The following ZFAT variants were observed in gnomAD, a reference collection of about 807,000 sequenced individuals.
ZFAT encodes the protein zinc finger and AT-hook domain containing, also known as zinc finger protein ZFAT.
Under a neutral mutation model 117.7 loss-of-function variants are expected in ZFAT, and 64 were observed. That is an observed-to-expected ratio of 0.54 (90% CI 0.44 to 0.67). ZFAT has a LOEUF of 0.67. Ranked by LOEUF, ZFAT falls within the 30% of genes least tolerant of loss-of-function variation. The pLI, the probability that ZFAT is intolerant of heterozygous loss-of-function variation, is 0.00. For missense variants in ZFAT, 1,433 were observed against 1,584.5 expected, an observed-to-expected ratio of 0.90 and a Z score of 1.62; for synonymous variants, 679 against 615.0, an observed-to-expected ratio of 1.10 and a Z score of -1.54.
chr8:134,714,483 G>A (rs1267769720), upstream of ZFAT, among the ~76,000 whole-genome samples: 2 of 152,076 alleles, frequency 1.3e-5, no homozygotes, highest in Non-Finnish European at 2.9e-5. Context: ...TTTTTAGGAG[G>A]AAAACTCCCT....
the ZFAT span, among the ~76,000 whole-genome samples, chr8:134,802,551 A>G: frequency 1.3e-5 from 2 of 152,228 alleles, no homozygotes; most frequent in Non-Finnish European, 2.9e-5. Context: ...TTTGTACAAA[A>G]GCATCTAATT....
In ZFAT at chr8:134,602,945, T is replaced by G. The variant is rs1222021239; in HGVS notation, c.786-12A>C. 2 of 1,594,008 alleles carry G rather than the reference T, an allele frequency of 1.3e-6. No homozygotes were observed. Among genetic ancestry groups the G allele is most frequent in the Non-Finnish European group, 1.7e-6 (2 of 1,169,978 alleles). On this transcript the variant is annotated splice_polypyrimidine_tract_variant and intron_variant, in intron 5 of 15. Coordinates refer to ENST00000377838, the MANE Select transcript of ZFAT (RefSeq NM_020863.4). ...GAGTGGGACCTAGCCTAGAAACAGA[T>G]GACAGCATGGTTACATCTGGAGACC...
intron 3 of ZFAT, among the ~76,000 whole-genome samples, chr8:134,624,490 T>C (rs1270396065): frequency 6.6e-6 from 1 of 152,046 alleles, no homozygotes; most frequent in Non-Finnish European, 1.5e-5. Flanking sequence ...ACCCTGCTTC[T>C]ACCAAAAATA....
intron 1 of ZFAT, among the ~76,000 whole-genome samples, chr8:134,683,008 C>T (rs1046677047): frequency 4.6e-5 from 7 of 152,194 alleles, no homozygotes; most frequent in East Asian, 1.9e-4. Context: ...AATGGACAAA[C>T]GCACCCTTCC....
intron 11 of ZFAT, among the ~76,000 whole-genome samples, chr8:134,536,744 T>A (rs1176227655): frequency 6.6e-6 from 1 of 152,238 alleles, no homozygotes; most frequent in African/African-American, 2.4e-5. Flanking sequence ...AGATTTGTGA[T>A]TCCCTAAATA....
At chr8:134,646,623 G>A (rs1374742849) in intron 2 of ZFAT, among the ~76,000 whole-genome samples, 2 of 151,926 alleles carry the variant, frequency 1.3e-5, no homozygotes, top group African/African-American at 2.4e-5. Flanking sequence ...CTTGTTGTTT[G>A]AAAAGATAAA....
chr8:134,769,691 C>T, the ZFAT span, among the ~76,000 whole-genome samples: 2 of 152,216 alleles, frequency 1.3e-5, no homozygotes, highest in African/African-American at 2.4e-5. Flanking sequence ...TCTGACCCCA[C>T]ACTTCTCTTC....
At chr8:134,667,841 G>A (rs1280150526) in intron 1 of ZFAT, among the ~76,000 whole-genome samples, 1 of 152,126 alleles carries the variant, frequency 6.6e-6, no homozygotes, top group Non-Finnish European at 1.5e-5. Flanking sequence ...AAGGGGTCAG[G>A]GAATTCACTT....
intron 11 of ZFAT, among the ~76,000 whole-genome samples, chr8:134,554,078 A>G (rs1401777693): frequency 6.6e-6 from 1 of 151,908 alleles, no homozygotes; most frequent in Non-Finnish European, 1.5e-5. Context: ...CTGGCAGAGG[A>G]CTCTCTCCTC....
intron 2 of ZFAT, chr8:134,639,897 C>CA: frequency 4.8e-6 from 2 of 417,376 alleles, no homozygotes; most frequent in Non-Finnish European, 9.5e-6. Context: ...TCCCCTGAAA[C>CA]ACTCTATGAG....
At chr8:134,720,624 G>T in the ZFAT span, among the ~76,000 whole-genome samples, 2 of 152,256 alleles carry the variant, frequency 1.3e-5, no homozygotes, top group Non-Finnish European at 1.5e-5. Context: ...GTGCCAAGGA[G>T]GACGATCCAG....
At chr8:134,613,975 C>G (rs1051529509) in intron 3 of ZFAT, among the ~76,000 whole-genome samples, 4 of 152,200 alleles carry the variant, frequency 2.6e-5, no homozygotes, top group Admixed American at 1.3e-4. Flanking sequence ...TCTTGTTACA[C>G]GAGAGAACAT....
At chr8:134,663,322 T>C (rs1191544363) in intron 1 of ZFAT, among the ~76,000 whole-genome samples, 1 of 152,336 alleles carries the variant, frequency 6.6e-6, no homozygotes, top group East Asian at 1.9e-4. Flanking sequence ...CACTAAGTTT[T>C]AAAGAATGGA....
chr8:134,751,237 G>C, the ZFAT span, among the ~76,000 whole-genome samples: 1 of 152,090 alleles, frequency 6.6e-6, no homozygotes, highest in African/African-American at 2.4e-5. Flanking sequence ...AGTTGAGTTG[G>C]GATTCAAGTG....
At chr8:134,542,521 A>G (rs1438260288) in intron 11 of ZFAT, among the ~76,000 whole-genome samples, 2 of 152,210 alleles carry the variant, frequency 1.3e-5, no homozygotes, top group Non-Finnish European at 2.9e-5. Flanking sequence ...GTCAGTAAGT[A>G]CCCACTTATA....
At chr8:134,585,217 G>T (rs573660607) in intron 9 of ZFAT, among the ~76,000 whole-genome samples, 1 of 152,250 alleles carries the variant, frequency 6.6e-6, no homozygotes, top group African/African-American at 2.4e-5. Flanking sequence ...CACAGCTGTG[G>T]TGATAGCCTG....
At chr8:134,694,506 T>C (rs1230563425) in intron 1 of ZFAT, among the ~76,000 whole-genome samples, 2 of 152,216 alleles carry the variant, frequency 1.3e-5, no homozygotes, top group Non-Finnish European at 2.9e-5. Flanking sequence ...TCTGTAAGTA[T>C]AAATTATGTC....
the ZFAT span, among the ~76,000 whole-genome samples, chr8:134,751,046 A>G: frequency 6.6e-6 from 1 of 152,212 alleles, no homozygotes; most frequent in Non-Finnish European, 1.5e-5. Flanking sequence ...TTTATTTTCA[A>G]TAAATGTATT....
chr8:134,684,852 G>C (rs1015931700), intron 1 of ZFAT, among the ~76,000 whole-genome samples: 2 of 152,170 alleles, frequency 1.3e-5, no homozygotes, highest in African/African-American at 4.8e-5. Context: ...AAATGTGGGG[G>C]CTGGGTGCGA....
Sources: gnomAD v4.1 joint callset for allele counts (sites outside exome capture counted in the v4.1 genomes callset) on GRCh38, gnomAD v4.1.1 for gene constraint, MANE v1.5 for transcripts, NCBI Gene and HGNC (gene_info 2026-07-23, HGNC 2026-07-21) for gene names.